Variants in RGS8 observed in about 807,000 individuals in gnomAD.
RGS8 encodes regulator of G protein signaling 8, also known as regulator of G-protein signaling 8.
In RGS8, 8 loss-of-function variants were observed where a neutral mutation model predicts 21.7. The observed-to-expected ratio is 0.37, with a 90% CI of 0.22 to 0.66. RGS8 has a LOEUF of 0.66. Among genes scored for constraint, RGS8 ranks in the 30% least tolerant of loss-of-function variants. RGS8 has a pLI of 0.59. For missense variants in RGS8, 157 were observed against 217.9 expected (o/e 0.72, Z 1.76); for synonymous variants, 80 against 83.6 (o/e 0.96, Z 0.24).
At chr1:182,705,281 A>G in the RGS8 span, among the ~76,000 whole-genome samples, 1 of 152,200 alleles carries the variant, frequency 6.6e-6, no homozygotes, top group African/African-American at 2.4e-5. Flanking sequence ...CATGCCTGAC[A>G]GCAGAAGACA....
chr1:182,692,660 CA>C, the RGS8 span, among the ~76,000 whole-genome samples: 3 of 40,114 alleles, frequency 7.5e-5, no homozygotes, highest in Non-Finnish European at 1.4e-4. Context: ...GCCAAATAGT[CA>C]AAGCAATCCT....
At chr1:182,683,433 C>T (rs936604119) in intron 1 of RGS8, among the ~76,000 whole-genome samples, 5 of 152,082 alleles carry the variant, frequency 3.3e-5, no homozygotes, top group African/African-American at 9.7e-5. Context: ...TCTGTAAGAA[C>T]AAACAATCCA....
chr1:182,691,251 C>T, the RGS8 span, among the ~76,000 whole-genome samples: 1 of 152,198 alleles, frequency 6.6e-6, no homozygotes, highest in Non-Finnish European at 1.5e-5. Context: ...ACCAAAAGCT[C>T]ACTGATACAT....
the RGS8 span, among the ~76,000 whole-genome samples, chr1:182,709,478 C>A: frequency 6.6e-6 from 1 of 152,160 alleles, no homozygotes; most frequent in Non-Finnish European, 1.5e-5. Flanking sequence ...GTCTCCACAT[C>A]AATGTGACAC....
At chr1:182,700,088 A>G in the RGS8 span, among the ~76,000 whole-genome samples, 1 of 152,122 alleles carries the variant, frequency 6.6e-6, no homozygotes, top group African/African-American at 2.4e-5. Flanking sequence ...TCTTGAGTGC[A>G]TAACAATGCG....
chr1:182,694,245 C>G, the RGS8 span, among the ~76,000 whole-genome samples: 66 of 152,190 alleles, frequency 4.3e-4, no homozygotes, highest in South Asian at 0.011. Context: ...TAAATTACAC[C>G]TGTCATGACA....
upstream of RGS8, chr1:182,673,035 G>T: frequency 1.6e-6 from 1 of 613,422 alleles, no homozygotes; most frequent in Non-Finnish European, 2.9e-6. Flanking sequence ...TGTGATGCAT[G>T]CTAAAGTTTG....
At chr1:182,727,624 C>T in the RGS8 span, among the ~76,000 whole-genome samples, 10 of 152,000 alleles carry the variant, frequency 6.6e-5, no homozygotes, top group African/African-American at 9.7e-5. Flanking sequence ...TGTGCATTTT[C>T]GAACACCAAA....
At chr1:182,722,271 A>C in the RGS8 span, among the ~76,000 whole-genome samples, 20 of 151,570 alleles carry the variant, frequency 1.3e-4, no homozygotes, top group Non-Finnish European at 2.7e-4. Context: ...ATGTTGTAAA[A>C]GAGTAATTTG....
At chr1:182,704,753 A>T in the RGS8 span, among the ~76,000 whole-genome samples, 1 of 152,200 alleles carries the variant, frequency 6.6e-6, no homozygotes, top group African/African-American at 2.4e-5. Context: ...GTTGGACCCA[A>T]GCTGTCCTTG....
At chr1:182,664,820 T>A (rs1436383984) in intron 5 of RGS8, among the ~76,000 whole-genome samples, 1 of 152,248 alleles carries the variant, frequency 6.6e-6, no homozygotes, top group Non-Finnish European at 1.5e-5. Context: ...TTCTTAGATT[T>A]TGCATTTCAT....
chr1:182,725,363 G>A, the RGS8 span, among the ~76,000 whole-genome samples: 8,220 of 152,188 alleles, frequency 0.054, 245 homozygotes, highest in African/African-American at 0.074. Context: ...TACTCCCTGC[G>A]GGACTGCTGC....
chr1:182,678,654 G>A (rs557240793), intron 1 of RGS8, among the ~76,000 whole-genome samples: 3 of 152,232 alleles, frequency 2.0e-5, no homozygotes, highest in South Asian at 4.2e-4. Flanking sequence ...CAGAATTCAG[G>A]GCCATATGTT....
At position 182,671,647 on chromosome 1, in the gene RGS8, C is replaced by A; in HGVS notation, c.-104+10G>T. 6.2e-7 allele frequency: 1 copy of A among 1,613,314 alleles called. No homozygotes were observed. Among genetic ancestry groups the A allele is most frequent in the East Asian group, 2.2e-5 (1 of 44,864 alleles). On this transcript the variant is annotated intron_variant, in intron 2 of 6. Coordinates refer to ENST00000483095, the Ensembl canonical transcript of RGS8. ...CGGAGAAGAAAGAGAAAAGCAAAGGCAATACTCACTGTCTTTGGCCAGTCC... is the reference window on the plus strand; with the variant it reads ...CGGAGAAGAAAGAGAAAAGCAAAGGAAATACTCACTGTCTTTGGCCAGTCC...
At chr1:182,699,048 A>C in the RGS8 span, among the ~76,000 whole-genome samples, 2 of 152,180 alleles carry the variant, frequency 1.3e-5, no homozygotes, top group Non-Finnish European at 2.9e-5. Context: ...GTTTTTTATG[A>C]TTCTGAAAAG....
At chr1:182,679,532 C>T (rs776178899) in intron 1 of RGS8, among the ~76,000 whole-genome samples, 5 of 151,936 alleles carry the variant, frequency 3.3e-5, no homozygotes, top group Non-Finnish European at 5.9e-5. Flanking sequence ...CTTCCTGCCT[C>T]TCTCACCTTG....
At chr1:182,673,304 A>G (rs1003003191), upstream of RGS8, among the ~76,000 whole-genome samples, 2 of 152,260 alleles carry the variant, frequency 1.3e-5, no homozygotes, top group Non-Finnish European at 2.9e-5. Context: ...TGCCACAGTC[A>G]GAGAGGGTAT....
At chr1:182,651,232 CT>C (rs1189172034) in intron 5 of RGS8, among the ~76,000 whole-genome samples, 1 of 152,194 alleles carries the variant, frequency 6.6e-6, no homozygotes, top group Non-Finnish European at 1.5e-5. Context: ...AGTACAGATG[CT>C]TCTGAACTTA....
At chr1:182,689,033 T>C (rs901578091), upstream of RGS8, among the ~76,000 whole-genome samples, 3 of 152,186 alleles carry the variant, frequency 2.0e-5, no homozygotes, top group Admixed American at 1.3e-4. Context: ...TAATTTGTTA[T>C]GGTAGTAACC....
Sources: allele counts gnomAD v4.1 joint callset (sites outside exome capture counted in the v4.1 genomes callset), GRCh38; gene constraint gnomAD v4.1.1; transcripts MANE v1.5; gene names NCBI Gene and HGNC (gene_info 2026-07-23, HGNC 2026-07-21).